The following SLC3A1 variants were observed in gnomAD, a reference collection of about 807,000 sequenced individuals.
SLC3A1 encodes the protein amino acid transporter heavy chain SLC3A1.
Under a neutral mutation model 60.3 loss-of-function variants are expected in SLC3A1, and 78 were observed. The ratio of observed to expected loss-of-function variants is 1.29; its 90% CI spans 1.08 to 1.56. The LOEUF is 1.56. Among genes scored for constraint, SLC3A1 ranks in the 40% most tolerant of loss-of-function variants. SLC3A1 has a pLI of 0.00. For synonymous variants in SLC3A1, 392 were observed against 307.9 expected, an observed-to-expected ratio of 1.27 and a Z score of -2.86; for missense variants, 1,172 against 858.9, an observed-to-expected ratio of 1.36 and a Z score of -4.56.
intron 3 of SLC3A1, among the ~76,000 whole-genome samples, chr2:44,283,313 G>T (rs1671542111): frequency 6.6e-6 from 1 of 152,234 alleles, no homozygotes; most frequent in Non-Finnish European, 1.5e-5. Context: ...CAGGCTGTCA[G>T]CAAGTCCTGG....
Position 44,279,084 on chromosome 2 carries a change from C to T in SLC3A1, c.431-1632C>T, listed in dbSNP as rs568917298. Reference sequence around the variant, plus strand: ...CACAATCTCACCTCACTACAACCTCCGCCTCCCAGGTTCAAGCAATTCTCC... The same window carrying T: ...CACAATCTCACCTCACTACAACCTCTGCCTCCCAGGTTCAAGCAATTCTCC... On this transcript the variant is annotated intron_variant, in intron 1 of 9. Coordinates refer to ENST00000260649, the MANE Select transcript of SLC3A1 (RefSeq NM_000341.4). Among the ~76,000 whole-genome samples the T allele has an allele frequency of 9.9e-5, 15 of 151,978 alleles. No individual in the cohort carries two copies. In the South Asian group the frequency reaches 2.3e-3, roughly 23 times the overall value.
Position 44,304,203 on chromosome 2 carries a change from G to A in SLC3A1, c.1197G>A (p.Leu399=). The change falls in exon 7 of 10, where the codon TTG becomes TTA. Residue 399 remains leucine (L), a synonymous_variant. Transcript: ENST00000260649. ...SIDRTVMYYG[L]PFIQEADFPF... is the part of the protein sequence containing the mutation. ...ACAGGACCGTGATGTACTATGGATT[G>A]CCATTTATCCAAGAAGCTGATTTTC... is the stretch of plus-strand genomic sequence containing the variant. 1 of 1,614,086 alleles carries A rather than the reference G, an allele frequency of 6.2e-7. No individual in the cohort carries two copies. Among genetic ancestry groups the A allele is most frequent in the Middle Eastern group, 1.6e-4 (1 of 6,062 alleles).
intron 5 of SLC3A1, 60 bp downstream of exon 5, chr2:44,300,150 T>C: frequency 1.3e-6 from 2 of 1,562,300 alleles, no homozygotes; most frequent in East Asian, 2.2e-5. Context: ...TCAGAGTGTT[T>C]TCTTTCTCAG....
chr2:44,301,206 T>C, intron 6 of SLC3A1, 79 bp downstream of exon 6: 1 of 1,569,898 alleles, frequency 6.4e-7, no homozygotes, highest in Non-Finnish European at 8.8e-7. Context: ...CCAAGTGTAT[T>C]TGGAGGTTCA....
intron 4 of SLC3A1, among the ~76,000 whole-genome samples, chr2:44,291,908 G>A (rs956421781): frequency 1.3e-5 from 2 of 152,122 alleles, no homozygotes; most frequent in African/African-American, 4.8e-5. Flanking sequence ...TGGCCATCAG[G>A]GGACTTGGCT....
At chr2:44,302,488 C>G (rs1417221134) in intron 6 of SLC3A1, among the ~76,000 whole-genome samples, 1 of 152,188 alleles carries the variant, frequency 6.6e-6, no homozygotes, top group African/African-American at 2.4e-5. Context: ...GACAAGGAAA[C>G]TGAGGCTCTG....
At chr2:44,276,046 G>A in intron 1 of SLC3A1, 81 bp downstream of exon 1, 1 of 1,295,148 alleles carries the variant, frequency 7.7e-7, no homozygotes, top group Non-Finnish European at 1.1e-6. Flanking sequence ...ACCAAATTAT[G>A]CCTGGGTTGT....
At position 44,316,345 on chromosome 2, in the gene SLC3A1, C is replaced by A. The variant is rs571514038; in HGVS notation, c.1617+2394C>A. The A allele has an allele frequency of 2.6e-5, 4 of 152,292 alleles. No individual in the cohort carries two copies. The South Asian group carries it at 6.2e-4, about 24-fold the overall frequency. The allele number at this position is 152,292 out of a possible 1,614,324, so 9.4% of individuals were successfully genotyped here. On this transcript the variant is annotated intron_variant, in intron 9 of 9. Transcript: ENST00000260649. ...ACATTCTTTCAAGAAGTGATTAGAT[C>A]TCTCAGAAGTATAAAAGACTGTCAA...
In SLC3A1 at chr2:44,275,788, C is replaced by A. The variant is rs200159273; in HGVS notation, c.253C>A (p.Pro85Thr). ...QFSGQARYRI[P>T]REILFWLTVA... ...CTCTGGCCAGGCCCGCTACCGCATA[C>A]CTCGGGAGATCCTCTTCTGGCTCAC... The change falls in exon 1 of 10, where the codon CCT becomes ACT. Residue 85 changes from proline to threonine, a missense_variant. Transcript: ENST00000260649. The A allele has an allele frequency of 6.2e-7, 1 of 1,614,254 alleles. No homozygotes were observed. The highest frequency in any genetic ancestry group is 1.1e-5 in the South Asian group (1 of 91,086).
intron 6 of SLC3A1, among the ~76,000 whole-genome samples, chr2:44,303,192 ACT>A (rs1309951095): frequency 2.7e-5 from 4 of 150,080 alleles, no homozygotes; most frequent in Admixed American, 1.3e-4. Context: ...TAAGAGTAAA[ACT>A]CTGTCTCAAG....
chr2:44,301,671 A>G (rs945184665), intron 6 of SLC3A1, among the ~76,000 whole-genome samples: 3 of 147,926 alleles, frequency 2.0e-5, no homozygotes, highest in South Asian at 2.2e-4. Flanking sequence ...CCCGGGAAGC[A>G]GAGGTTGCAG....
chr2:44,311,347 CTT>C (rs1672291244), intron 7 of SLC3A1, among the ~76,000 whole-genome samples: 1 of 152,114 alleles, frequency 6.6e-6, no homozygotes, highest in East Asian at 1.9e-4. Context: ...GGTTTAAAAT[CTT>C]TGTCTAGTAA....
chr2:44,304,260 T>A lies in SLC3A1; in HGVS notation c.1254T>A (p.Thr418=), dbSNP rs149411180. Residue 418 remains threonine (T), a synonymous_variant, in exon 7 of 10, where the codon ACT becomes ACA. Transcript: ENST00000260649. ...ACAATTACCTCAGCATGCTAGACAC[T>A]GTTTCTGGGAACAGCGTGTATGAGG... The part of the protein sequence containing the change: ...PFNNYLSMLD[T]VSGNSVYEVI... 1.4e-5 allele frequency: 23 copies of A among 1,614,026 alleles called. No individual in the cohort carries two copies. The highest frequency in any genetic ancestry group is 2.2e-5 in the East Asian group (1 of 44,890).
chr2:44,301,365 G>C (rs1223518952), intron 6 of SLC3A1: 1 of 609,852 alleles, frequency 1.6e-6, no homozygotes, highest in Non-Finnish European at 2.9e-6. Flanking sequence ...TACTTCACAG[G>C]AGTTTTGTGA....
chr2:44,303,240 A>C (rs1272672932), intron 6 of SLC3A1, among the ~76,000 whole-genome samples: 2 of 113,470 alleles, frequency 1.8e-5, no homozygotes, highest in Non-Finnish European at 3.6e-5. Context: ...ATAGACTGAG[A>C]TCCAATTTTT....
chr2:44,298,958 A>G, intron 4 of SLC3A1, among the ~76,000 whole-genome samples: 1 of 151,046 alleles, frequency 6.6e-6, no homozygotes, highest in East Asian at 2.0e-4. Context: ...GAGAACCTGG[A>G]TTTTTAGCTT....
chr2:44,303,138 T>C (rs1447250440), intron 6 of SLC3A1, among the ~76,000 whole-genome samples: 2 of 148,920 alleles, frequency 1.3e-5, no homozygotes, highest in Admixed American at 6.8e-5. Flanking sequence ...GAGGTGGAGG[T>C]TGCAGTAAGC....
intron 4 of SLC3A1, among the ~76,000 whole-genome samples, chr2:44,298,290 A>G (rs1671907552): frequency 6.6e-6 from 1 of 152,130 alleles, no homozygotes; most frequent in African/African-American, 2.4e-5. Flanking sequence ...GTTAACTACA[A>G]AGCTGAGCAT....
rs192606920 is a variant in SLC3A1 at position 44,288,981 on chromosome 2, C to T, written c.891+2824C>T. Among the ~76,000 whole-genome samples the T allele has an allele frequency of 3.0e-3, 458 of 151,908 alleles. 2 individuals carry two copies. The highest frequency in any genetic ancestry group is 4.9e-3 in the Non-Finnish European group (332 of 67,946). ...TCCTGAGTACCTGGGACTATAGGCACGTGCCACCATGCCCAACTAATTTTT... is the reference window on the plus strand; with the variant it reads ...TCCTGAGTACCTGGGACTATAGGCATGTGCCACCATGCCCAACTAATTTTT... On this transcript the variant is annotated intron_variant, in intron 4 of 9. Transcript: ENST00000260649.
Sources: gnomAD v4.1 joint callset for allele counts (sites outside exome capture counted in the v4.1 genomes callset) on GRCh38, gnomAD v4.1.1 for gene constraint, MANE v1.5 for transcripts, NCBI Gene and HGNC (gene_info 2026-07-23, HGNC 2026-07-21) for gene names.